Variants in LCLAT1 observed in about 807,000 individuals in gnomAD.
The protein encoded by LCLAT1 is lysocardiolipin acyltransferase 1.
Under a neutral mutation model 30.7 loss-of-function variants are expected in LCLAT1, and 11 were observed. The observed-to-expected ratio is 0.36, with a 90% CI of 0.23 to 0.59. LCLAT1 has a LOEUF of 0.59. LCLAT1 is among the 20% of genes least tolerant of loss of function. The pLI, the probability that LCLAT1 is intolerant of heterozygous loss-of-function variation, is 0.77. For missense variants in LCLAT1, 402 were observed against 458.6 expected, an observed-to-expected ratio of 0.88 and a Z score of 1.13; for synonymous variants, 155 against 151.3, an observed-to-expected ratio of 1.02 and a Z score of -0.18.
At chr2:30,567,745 T>C (rs901565719) in intron 4 of LCLAT1, among the ~76,000 whole-genome samples, 4 of 152,200 alleles carry the variant, frequency 2.6e-5, no homozygotes, top group African/African-American at 4.8e-5. Context: ...AAGATGGGAC[T>C]TTAGAACACT....
chr2:30,589,116 T>G (rs1666575333), intron 5 of LCLAT1, among the ~76,000 whole-genome samples: 1 of 152,238 alleles, frequency 6.6e-6, no homozygotes, highest in Non-Finnish European at 1.5e-5. Flanking sequence ...TTGGCCTGCT[T>G]TCCAGTTCAT....
chr2:30,454,393 G>A (rs1283478085), intron 1 of LCLAT1, among the ~76,000 whole-genome samples: 1 of 152,090 alleles, frequency 6.6e-6, no homozygotes, highest in African/African-American at 2.4e-5. Context: ...GAATTACTGG[G>A]TTAACATACT....
intron 5 of LCLAT1, among the ~76,000 whole-genome samples, chr2:30,568,575 T>G (rs1665618347): frequency 6.9e-6 from 1 of 145,504 alleles, no homozygotes; most frequent in Non-Finnish European, 1.5e-5. Flanking sequence ...TGGTGCTATC[T>G]CGGCTCACTG....
intron 5 of LCLAT1, among the ~76,000 whole-genome samples, chr2:30,619,258 A>G (rs910149073): frequency 2.0e-5 from 3 of 152,216 alleles, no homozygotes; most frequent in Admixed American, 6.5e-5. Context: ...GCTAGTAATT[A>G]CAGCCCTAGC....
At position 30,642,712 on chromosome 2, in the gene LCLAT1, T is replaced by G. The variant is rs1669384711; in HGVS notation, c.*2093T>G. 6.6e-6 allele frequency: 1 copy of G among 150,800 alleles called. No individual in the cohort carries two copies. The highest frequency in any genetic ancestry group is 2.4e-5 in the African/African-American group (1 of 40,942). 9.3% of individuals were successfully genotyped at this position (150,800 alleles called of 1,614,324 possible). On this transcript the variant is annotated 3_prime_UTR_variant, in exon 6 of 6. Coordinates refer to ENST00000379509, the MANE Select transcript of LCLAT1 (RefSeq NM_001002257.3). ...AGGGAAGATCCTCATTTTTTACAATTTTGTTCCTTTTCATCATAGAAAACA... is the reference window on the plus strand; with the variant it reads ...AGGGAAGATCCTCATTTTTTACAATGTTGTTCCTTTTCATCATAGAAAACA...
At chr2:30,556,633 C>A (rs1223894308) in intron 3 of LCLAT1, among the ~76,000 whole-genome samples, 1 of 152,088 alleles carries the variant, frequency 6.6e-6, no homozygotes, top group Non-Finnish European at 1.5e-5. Flanking sequence ...CAGGGTATAT[C>A]TCTGCTGTAG....
intron 1 of LCLAT1, among the ~76,000 whole-genome samples, chr2:30,479,173 T>C (rs763218900): frequency 2.6e-5 from 4 of 152,118 alleles, no homozygotes; most frequent in Non-Finnish European, 5.9e-5. Flanking sequence ...CTCACAGACA[T>C]GTTGAATAAA....
chr2:30,567,314 AT>A (rs879557913), intron 4 of LCLAT1, among the ~76,000 whole-genome samples: 8 of 152,010 alleles, frequency 5.3e-5, no homozygotes, highest in African/African-American at 1.7e-4. Context: ...CTTTGTTATA[AT>A]TTTTTTTAAT....
intron 3 of LCLAT1, among the ~76,000 whole-genome samples, chr2:30,540,666 TC>T (rs1360920131): frequency 6.6e-6 from 1 of 151,472 alleles, no homozygotes; most frequent in Non-Finnish European, 1.5e-5. Context: ...TCTTTTCCTT[TC>T]TTTTTTTTTT....
chr2:30,522,816 G>C (rs1368304767), intron 1 of LCLAT1, among the ~76,000 whole-genome samples: 2 of 152,158 alleles, frequency 1.3e-5, no homozygotes, highest in Non-Finnish European at 2.9e-5. Flanking sequence ...TGGCCCCTTC[G>C]CAGGAGAAAG....
At chr2:30,496,103 G>A (rs1374779922) in intron 1 of LCLAT1, among the ~76,000 whole-genome samples, 1 of 152,100 alleles carries the variant, frequency 6.6e-6, no homozygotes, top group African/African-American at 2.4e-5. Flanking sequence ...AGAGCAGGAG[G>A]AAGAGAAAGG....
At chr2:30,638,930 G>A (rs1669166465) in intron 5 of LCLAT1, among the ~76,000 whole-genome samples, 1 of 151,626 alleles carries the variant, frequency 6.6e-6, no homozygotes, top group Admixed American at 6.6e-5. Context: ...CTTGCCTGCT[G>A]TATTGTAGTA....
intron 3 of LCLAT1, among the ~76,000 whole-genome samples, chr2:30,550,958 G>C (rs561180523): frequency 6.6e-6 from 1 of 152,164 alleles, no homozygotes; most frequent in South Asian, 2.1e-4. Context: ...GCTGCTGAAA[G>C]TAATGGCCAG....
chr2:30,452,517 A>C (rs1412177074), intron 1 of LCLAT1, among the ~76,000 whole-genome samples: 1 of 152,136 alleles, frequency 6.6e-6, no homozygotes, highest in Non-Finnish European at 1.5e-5. Flanking sequence ...CATATTCATT[A>C]GTTTTTGTCC....
chr2:30,575,235 T>C (rs548630357), intron 5 of LCLAT1, among the ~76,000 whole-genome samples: 9 of 152,120 alleles, frequency 5.9e-5, no homozygotes, highest in Non-Finnish European at 1.2e-4. Flanking sequence ...TTTCTGTTAA[T>C]AACCAGTAGT....
intron 4 of LCLAT1, among the ~76,000 whole-genome samples, chr2:30,564,467 A>T (rs1665386011): frequency 6.7e-6 from 1 of 148,484 alleles, no homozygotes; most frequent in Non-Finnish European, 1.5e-5. Context: ...TTTGTAGGTG[A>T]TGAACTCTCC....
intron 3 of LCLAT1, among the ~76,000 whole-genome samples, chr2:30,545,628 A>T (rs1311804568): frequency 2.0e-5 from 3 of 147,402 alleles, no homozygotes; most frequent in Non-Finnish European, 4.5e-5. Flanking sequence ...ATTAAGATAT[A>T]CAGAATAGAT....
At chr2:30,450,797 G>T (rs1323797734) in intron 1 of LCLAT1, among the ~76,000 whole-genome samples, 1 of 152,184 alleles carries the variant, frequency 6.6e-6, no homozygotes, top group Non-Finnish European at 1.5e-5. Context: ...GCCTGGAATA[G>T]GCAGAGATTC....
At position 30,579,624 on chromosome 2, in the gene LCLAT1, T is replaced by C. The variant is rs140280565; in HGVS notation, c.628+11448T>C. On this transcript the variant is annotated intron_variant, in intron 5 of 5. Transcript: ENST00000379509. The stretch of plus-strand genomic sequence containing the variant: ...ATCTGGAGGAATGGCAGGATTTGAA[T>C]TGGTAAAGAAATTGGGAGAGTGTAG... Among the ~76,000 whole-genome samples, 375 of 152,156 alleles carry C rather than the reference T, an allele frequency of 2.5e-3. 1 individual carries two copies. Among genetic ancestry groups the C allele is most frequent in the African/African-American group, 8.1e-3 (338 of 41,528 alleles).
Sources: allele counts gnomAD v4.1 joint callset (sites outside exome capture counted in the v4.1 genomes callset), GRCh38; gene constraint gnomAD v4.1.1; transcripts MANE v1.5; gene names NCBI Gene and HGNC (gene_info 2026-07-23, HGNC 2026-07-21).